The following TNR variants were observed in gnomAD, a reference collection of about 807,000 sequenced individuals.
The protein encoded by TNR is tenascin-R.
In TNR, 45 loss-of-function variants were observed where a neutral mutation model predicts 150.4. The ratio of observed to expected loss-of-function variants is 0.30; its 90% CI spans 0.24 to 0.38. TNR has a LOEUF of 0.38. Ranked by LOEUF, TNR falls within the 10% of genes least tolerant of loss-of-function variation. The probability of loss-of-function intolerance (pLI) is 1.00; values close to 1 mark genes in which losing one functional copy is unlikely to be tolerated. For missense variants in TNR, 1,544 were observed against 1,759.1 expected (o/e 0.88, Z 2.19); for synonymous variants, 687 against 678.4 (o/e 1.01, Z -0.20).
chr1:175,559,202 T>C (rs1661315392), intron 1 of TNR, among the ~76,000 whole-genome samples: 1 of 152,234 alleles, frequency 6.6e-6, no homozygotes, highest in East Asian at 1.9e-4. Context: ...TTGGTAGTGA[T>C]AGAAATGCTT....
chr1:175,706,021 C>T (rs1445684762), intron 1 of TNR, among the ~76,000 whole-genome samples: 1 of 152,102 alleles, frequency 6.6e-6, no homozygotes, highest in Non-Finnish European at 1.5e-5. Flanking sequence ...AGGGGAAGTC[C>T]ACTTATGGCC....
At chr1:175,609,126 A>G (rs927095377) in intron 1 of TNR, among the ~76,000 whole-genome samples, 1 of 152,242 alleles carries the variant, frequency 6.6e-6, no homozygotes, top group African/African-American at 2.4e-5. Flanking sequence ...ATCATGGAGC[A>G]CTTTGCAGCA....
At chr1:175,545,731 G>A (rs565946585) in intron 1 of TNR, among the ~76,000 whole-genome samples, 34 of 152,312 alleles carry the variant, frequency 2.2e-4, no homozygotes, top group South Asian at 4.1e-4. Context: ...AATAAAAGAA[G>A]GCATAGGGAT....
At chr1:175,680,525 C>A (rs901128289) in intron 1 of TNR, among the ~76,000 whole-genome samples, 8 of 152,040 alleles carry the variant, frequency 5.3e-5, no homozygotes, top group Non-Finnish European at 8.8e-5. Context: ...ACAGCTGAAC[C>A]CTGTGTGCCA....
chr1:175,598,210 A>C (rs962023547), intron 1 of TNR, among the ~76,000 whole-genome samples: 2 of 152,218 alleles, frequency 1.3e-5, no homozygotes, highest in Admixed American at 1.3e-4. Context: ...GGAAGTAAAG[A>C]TCACCATGCA....
intron 1 of TNR, among the ~76,000 whole-genome samples, chr1:175,692,767 G>A (rs6687346): frequency 0.083 from 12,635 of 152,132 alleles, 668 homozygotes; most frequent in East Asian, 0.17. Flanking sequence ...CCTAGTATAG[G>A]CCCTACCTTC....
At chr1:175,549,902 C>A (rs1370890008) in intron 1 of TNR, among the ~76,000 whole-genome samples, 2 of 152,162 alleles carry the variant, frequency 1.3e-5, no homozygotes, top group African/African-American at 4.8e-5. Context: ...AGCTAAGTAC[C>A]CAGCTAAAAC....
At chr1:175,398,721 G>A (rs1035234178) in intron 4 of TNR, among the ~76,000 whole-genome samples, 2 of 152,210 alleles carry the variant, frequency 1.3e-5, no homozygotes, top group Non-Finnish European at 2.9e-5. Flanking sequence ...AGCAAACATA[G>A]AAGCTAGGAT....
intron 2 of TNR, among the ~76,000 whole-genome samples, chr1:175,407,397 T>C (rs1165259638): frequency 6.6e-6 from 1 of 152,240 alleles, no homozygotes; most frequent in Admixed American, 6.5e-5. Flanking sequence ...CTTGTCAGTA[T>C]AGTCCTCATG....
chr1:175,450,034 G>A (rs927793456), intron 2 of TNR, among the ~76,000 whole-genome samples: 2 of 152,032 alleles, frequency 1.3e-5, no homozygotes, highest in African/African-American at 4.8e-5. Flanking sequence ...ACCTCTACCT[G>A]GCTTCCCTTC....
chr1:175,634,899 G>C (rs1664448728), intron 1 of TNR, among the ~76,000 whole-genome samples: 1 of 152,116 alleles, frequency 6.6e-6, no homozygotes, highest in Non-Finnish European at 1.5e-5. Flanking sequence ...AACTAAAAGA[G>C]GTTGTCATGG....
intron 1 of TNR, among the ~76,000 whole-genome samples, chr1:175,676,553 G>A (rs561955413): frequency 4.0e-4 from 61 of 152,230 alleles, no homozygotes; most frequent in African/African-American, 1.5e-3. Context: ...CAAAGGACAA[G>A]TCTCCCAATA....
chr1:175,690,126 T>A (rs182665826), intron 1 of TNR, among the ~76,000 whole-genome samples: 2 of 152,336 alleles, frequency 1.3e-5, no homozygotes, highest in East Asian at 3.9e-4. Context: ...GGCTTTTGGC[T>A]TAGATCCGGG....
intron 8 of TNR, among the ~76,000 whole-genome samples, chr1:175,380,526 A>T (rs940767392): frequency 6.6e-6 from 1 of 150,772 alleles, no homozygotes; most frequent in African/African-American, 2.4e-5. Context: ...AGCCGAGATC[A>T]CACCACTGCA....
chr1:175,452,038 C>T (rs1284198531), intron 2 of TNR, among the ~76,000 whole-genome samples: 2 of 152,170 alleles, frequency 1.3e-5, no homozygotes, highest in Non-Finnish European at 2.9e-5. Flanking sequence ...CACTCAGGGG[C>T]AACCAACGCA....
chr1:175,589,002 C>T (rs1162505799), intron 1 of TNR, among the ~76,000 whole-genome samples: 3 of 152,186 alleles, frequency 2.0e-5, no homozygotes, highest in African/African-American at 7.2e-5. Flanking sequence ...CAACCTTCTG[C>T]CTGGGGGATA....
intron 1 of TNR, among the ~76,000 whole-genome samples, chr1:175,714,433 C>T (rs1334773393): frequency 6.6e-6 from 1 of 152,134 alleles, no homozygotes; most frequent in East Asian, 1.9e-4. Flanking sequence ...AGGATGAACC[C>T]TTTGCAGAAG....
intron 1 of TNR, among the ~76,000 whole-genome samples, chr1:175,550,425 G>C (rs1300695191): frequency 6.6e-6 from 1 of 152,168 alleles, no homozygotes; most frequent in Non-Finnish European, 1.5e-5. Flanking sequence ...AAGAATAGTA[G>C]GTGTGAGGTG....
intron 2 of TNR, among the ~76,000 whole-genome samples, chr1:175,420,294 T>C (rs1054372071): frequency 2.0e-5 from 3 of 152,210 alleles, no homozygotes; most frequent in African/African-American, 7.2e-5. Flanking sequence ...TTAATCCAGA[T>C]GTTTCTTCCT....
Sources: gnomAD v4.1 joint callset for allele counts (sites outside exome capture counted in the v4.1 genomes callset) on GRCh38, gnomAD v4.1.1 for gene constraint, MANE v1.5 for transcripts, NCBI Gene and HGNC (gene_info 2026-07-23, HGNC 2026-07-21) for gene names.